Variants in API5 observed in about 807,000 individuals in gnomAD.
API5 encodes the protein FIF.
Under a neutral mutation model 71.9 loss-of-function variants are expected in API5, and 6 were observed. The observed-to-expected ratio is 0.08, with a 90% CI of 0.05 to 0.16. The LOEUF (loss-of-function observed/expected upper bound fraction) is 0.16, where lower values mean the gene tolerates loss of function less well. Among genes scored for constraint, API5 ranks in the 10% least tolerant of loss-of-function variants. API5 has a pLI of 1.00. For missense variants in API5, 332 were observed against 612.8 expected (o/e 0.54, Z 4.84); for synonymous variants, 189 against 221.3 (o/e 0.85, Z 1.30).
At position 43,332,693 on chromosome 11, in the gene API5, T is replaced by TAC. The variant is rs138031132; in HGVS notation, c.1278+2141_1278+2142dup. On this transcript the variant is annotated intron_variant, in intron 11 of 13. Transcript: ENST00000531273. Reference sequence around the variant, plus strand: ...ACACCCAACCCCCCTCACTCTCATATACACACACACACAGAGTCCTTTTCA... The same window carrying TAC: ...ACACCCAACCCCCCTCACTCTCATATACACACACACACACAGAGTCCTTTTCA... 2.2e-4 allele frequency among the ~76,000 whole-genome samples: 34 copies of TAC among 151,954 alleles called. No homozygotes were observed. In the South Asian group the frequency reaches 4.6e-3, roughly 20 times the overall value.
chr11:43,331,601 CAG>C (rs1046561528), intron 11 of API5, among the ~76,000 whole-genome samples: 6 of 152,026 alleles, frequency 3.9e-5, no homozygotes, highest in East Asian at 3.8e-4. Context: ...GGTCTTGTCT[CAG>C]GGGTAGCAGG....
intron 6 of API5, among the ~76,000 whole-genome samples, chr11:43,324,422 T>C (rs1430728169): frequency 6.6e-6 from 1 of 152,126 alleles, no homozygotes; most frequent in Non-Finnish European, 1.5e-5. Flanking sequence ...TCTTCTGGGA[T>C]GTGCATACAT....
At chr11:43,336,107 C>T in intron 13 of API5, 113 bp downstream of exon 13, 1 of 1,366,606 alleles carries the variant, frequency 7.3e-7, no homozygotes, top group South Asian at 1.5e-5. Flanking sequence ...AATGACTTTT[C>T]TGAATTAGCT....
In API5 at chr11:43,343,338, T is replaced by C. The variant is rs933565742; in HGVS notation, c.*828T>C. 2 of 152,318 alleles carry C rather than the reference T, an allele frequency of 1.3e-5. No individual in the cohort carries two copies. Among genetic ancestry groups the C allele is most frequent in the African/African-American group, 4.8e-5 (2 of 41,434 alleles). The allele number at this position is 152,318 out of a possible 1,614,324, so 9.4% of individuals were successfully genotyped here. A position where few individuals can be genotyped will look rare whatever the true frequency, so the allele number is the denominator to read the frequency against. On this transcript the variant is annotated 3_prime_UTR_variant, in exon 14 of 14. Transcript: ENST00000531273. ...CTGAATCCGTTATTAACTTGTTATT[T>C]AGGTTTTTACTCCCAGTAGCAAGGG...
chr11:43,326,956 A>G (rs370964929), intron 7 of API5, among the ~76,000 whole-genome samples: 6 of 152,224 alleles, frequency 3.9e-5, no homozygotes, highest in African/African-American at 9.6e-5. Context: ...TCCTTCTTCA[A>G]TAGAATTCAC....
chr11:43,324,584 C>A (rs1199756569), intron 6 of API5, among the ~76,000 whole-genome samples: 2 of 152,084 alleles, frequency 1.3e-5, no homozygotes, highest in East Asian at 3.9e-4. Flanking sequence ...AAGACCTTGT[C>A]TCTACAAAAA....
At chr11:43,316,900 T>G (rs1442727556) in intron 1 of API5, among the ~76,000 whole-genome samples, 1 of 152,238 alleles carries the variant, frequency 6.6e-6, no homozygotes, top group African/African-American at 2.4e-5. Flanking sequence ...GACTCATATA[T>G]CTGCATTTCA....
At position 43,344,105 on chromosome 11, in the gene API5, G is replaced by A. The variant is rs1446469624; in HGVS notation, c.*1595G>A. The A allele has an allele frequency of 6.6e-6, 1 of 152,584 alleles. No homozygotes were observed. Among genetic ancestry groups the A allele is most frequent in the Non-Finnish European group, 1.5e-5 (1 of 68,038 alleles). 9.5% of individuals were successfully genotyped at this position (152,584 alleles called of 1,614,324 possible). On this transcript the variant is annotated 3_prime_UTR_variant, in exon 14 of 14. Coordinates refer to ENST00000531273, the MANE Select transcript of API5 (RefSeq NM_001142930.2). ...CTGAACCTAAACTCCCTTGGAATCT[G>A]AACAAAGGAATATAAAATTGCCATT... is the stretch of plus-strand genomic sequence containing the variant.
At chr11:43,312,277 C>A (rs113783662) in intron 1 of API5, 81 bp downstream of exon 1, 2 of 1,458,948 alleles carry the variant, frequency 1.4e-6, no homozygotes, top group South Asian at 1.2e-5. Flanking sequence ...CTCCCCGGGC[C>A]GAGCGGGGGC....
intron 13 of API5, 34 bp downstream of exon 13, chr11:43,336,028 G>A (rs781378316): frequency 1.5e-5 from 24 of 1,607,688 alleles, no homozygotes; most frequent in Non-Finnish European, 2.0e-5. Flanking sequence ...AGGAATATGA[G>A]AGATTAGGCA....
chr11:43,341,958 G>A (rs922549105), intron 13 of API5, among the ~76,000 whole-genome samples: 1 of 151,912 alleles, frequency 6.6e-6, no homozygotes, highest in African/African-American at 2.4e-5. Context: ...AGATCAGCCT[G>A]GCAACAAAAT....
chr11:43,314,647 ATGCGTTCTGTAT>A, intron 1 of API5, among the ~76,000 whole-genome samples: 1 of 152,304 alleles, frequency 6.6e-6, no homozygotes, highest in East Asian at 1.9e-4. Context: ...TGGGTGATCA[ATGCGTTCTGTAT>A]TGACAACTGT....
chr11:43,323,657 C>G (rs571240580), intron 6 of API5, 21 bp downstream of exon 6: 1 of 1,601,222 alleles, frequency 6.2e-7, no homozygotes, highest in South Asian at 1.1e-5. Flanking sequence ...TATTTTTACA[C>G]ACCCGGTATT....
rs141137610 is a variant in API5, at chr11:43,328,745, A to C, written c.979A>C (p.Asn327His). 6.2e-7 allele frequency: 1 copy of C among 1,613,894 alleles called. No homozygotes were observed. The highest frequency in any genetic ancestry group is 2.2e-5 in the East Asian group (1 of 44,886). ...GCCCCTCCCTCCAGAAGAGGCAGAAAATGGAGAGAATGCTGGTAATGAAGA... is the reference window on the plus strand; with the variant it reads ...GCCCCTCCCTCCAGAAGAGGCAGAACATGGAGAGAATGCTGGTAATGAAGA... Reference protein sequence around the residue: ...YMPLPPEEAENGENAGNEEPK... With the variant: ...YMPLPPEEAEHGENAGNEEPK... The change falls in exon 9 of 14, where the codon AAT becomes CAT. Residue 327 changes from asparagine to histidine, a missense_variant. Asn to His is a moderately conservative substitution (Grantham distance 68). This residue lies in a region of API5 where 168 missense variants were observed against 343.9 expected (regional missense o/e 0.49). Transcript: ENST00000531273.
In API5 at chr11:43,342,679, G is replaced by A. The variant is rs781133300; in HGVS notation, c.*169G>A. 4.1e-6 allele frequency: 3 copies of A among 738,382 alleles called. No individual in the cohort carries two copies. The highest frequency in any genetic ancestry group is 4.0e-5 in the Admixed American group (2 of 49,436). 45.7% of individuals were successfully genotyped at this position (738,382 alleles called of 1,614,324 possible). On this transcript the variant is annotated 3_prime_UTR_variant, in exon 14 of 14. Coordinates refer to ENST00000531273, the MANE Select transcript of API5 (RefSeq NM_001142930.2). ...CCTACTTTTGTAACAGACCATGGTT[G>A]TGTCCAAGGTAAAACCACAGTGATA...
chr11:43,320,691 A>T, intron 2 of API5, 130 bp from the exon 3 acceptor site: 1 of 738,444 alleles, frequency 1.4e-6, no homozygotes, highest in South Asian at 1.8e-5. Context: ...TGGTTGCACC[A>T]CTGCACTCCA....
chr11:43,318,469 A>G (rs1010987285), intron 1 of API5, 171 bp from the exon 2 acceptor site: 2 of 1,535,934 alleles, frequency 1.3e-6, no homozygotes, highest in African/African-American at 2.7e-5. Flanking sequence ...TGGAGGGAGA[A>G]CGGAATTGGG....
At chr11:43,331,187 T>C (rs1855240953) in intron 11 of API5, 1 of 152,624 alleles carries the variant, frequency 6.6e-6, no homozygotes, top group African/African-American at 2.4e-5. Flanking sequence ...ATAATTATAG[T>C]TGACCCTTGA....
At chr11:43,318,280 A>C in intron 1 of API5, 1 of 770,220 alleles carries the variant, frequency 1.3e-6, no homozygotes. Context: ...AGGTGCTGGG[A>C]TTACAGGCGT....
Sources: allele counts gnomAD v4.1 joint callset (sites outside exome capture counted in the v4.1 genomes callset), GRCh38; gene constraint gnomAD v4.1.1; regional missense constraint gnomAD v4.1.1; transcripts MANE v1.5; gene names NCBI Gene and HGNC (gene_info 2026-07-23, HGNC 2026-07-21).